EXOC2: variants seen among roughly 807,000 people sequenced by gnomAD.
EXOC2 encodes the protein SEC5-like 1.
A neutral mutation model predicts 131.8 loss-of-function variants in EXOC2; 70 were observed. The ratio of observed to expected loss-of-function variants is 0.53; its 90% confidence interval spans 0.44 to 0.65. The LOEUF is 0.65. Among genes scored for constraint, EXOC2 ranks in the 30% least tolerant of loss-of-function variants. The probability of loss-of-function intolerance (pLI) is 0.00; values close to 1 mark genes in which losing one functional copy is unlikely to be tolerated. For synonymous variants in EXOC2, 411 were observed against 398.4 expected, an observed-to-expected ratio of 1.03 and a Z score of -0.38; for missense variants, 923 against 1,108.6, an observed-to-expected ratio of 0.83 and a Z score of 2.38.
Position 543,845 on chromosome 6 carries a change from C to G in EXOC2, c.2238+5330G>C, listed in dbSNP as rs146268347. Reference sequence around the variant, plus strand: ...TGGTTAGGCCAGGTTGCTTTGAAATCTCGATGGAAACTTCCAGGGAGGACG... The same window carrying G: ...TGGTTAGGCCAGGTTGCTTTGAAATGTCGATGGAAACTTCCAGGGAGGACG... On this transcript the variant is annotated intron_variant, in intron 22 of 27. Coordinates refer to ENST00000230449, the MANE Select transcript of EXOC2 (RefSeq NM_018303.6). 1.9e-4 allele frequency among the ~76,000 whole-genome samples: 29 copies of G among 152,236 alleles called. No individual in the cohort carries two copies. The East Asian group carries it at 5.4e-3, about 28-fold the overall frequency.
At chr6:616,548 AGCTGAGATCGC>A (rs1374445469) in intron 6 of EXOC2, among the ~76,000 whole-genome samples, 1 of 131,106 alleles carries the variant, frequency 7.6e-6, no homozygotes, top group Non-Finnish European at 1.6e-5. Flanking sequence ...GCTTGCAGTG[AGCTGAGATCGC>A]GCCACAGCAC....
At chr6:688,445 G>T (rs777675591) in intron 1 of EXOC2, among the ~76,000 whole-genome samples, 1 of 152,170 alleles carries the variant, frequency 6.6e-6, no homozygotes, top group Non-Finnish European at 1.5e-5. Context: ...GAACAACAAC[G>T]ATACAACTGA....
At chr6:559,736 A>T (rs1757603117) in intron 17 of EXOC2, among the ~76,000 whole-genome samples, 1 of 152,214 alleles carries the variant, frequency 6.6e-6, no homozygotes, top group Non-Finnish European at 1.5e-5. Flanking sequence ...CAGGCAAACG[A>T]GGTCTGGAGG....
chr6:677,758 C>T (rs554565535), intron 1 of EXOC2, among the ~76,000 whole-genome samples: 13 of 152,282 alleles, frequency 8.5e-5, no homozygotes, highest in African/African-American at 2.4e-4. Flanking sequence ...TGAGCCACTG[C>T]GCCCAGCCTT....
At chr6:654,803 CAAAAAAAAAAAA>C (rs66637987) in intron 1 of EXOC2, among the ~76,000 whole-genome samples, 80 of 29,576 alleles carry the variant, frequency 2.7e-3, no homozygotes, top group Non-Finnish European at 3.4e-3. Context: ...GACCCTGTCT[CAAAAAAAAAAAA>C]AAAAAAAAAA....
chr6:684,298 C>A (rs1487525918), intron 1 of EXOC2, among the ~76,000 whole-genome samples: 2 of 152,160 alleles, frequency 1.3e-5, no homozygotes, highest in Non-Finnish European at 2.9e-5. Context: ...AATCCATAAA[C>A]CTCCCTGAGA....
chr6:575,097 G>A (rs1356936506), intron 12 of EXOC2, among the ~76,000 whole-genome samples: 2 of 152,352 alleles, frequency 1.3e-5, no homozygotes, highest in South Asian at 2.1e-4. Flanking sequence ...AGGGCCATGG[G>A]GGCGGGCCCC....
At chr6:597,059 G>A (rs1405586407) in intron 10 of EXOC2, among the ~76,000 whole-genome samples, 2 of 152,106 alleles carry the variant, frequency 1.3e-5, no homozygotes, top group Admixed American at 6.5e-5. Flanking sequence ...TGAAGAAACC[G>A]AAAAATAGAA....
intron 23 of EXOC2, among the ~76,000 whole-genome samples, chr6:505,208 A>T (rs1489766151): frequency 6.6e-6 from 1 of 152,168 alleles, no homozygotes; most frequent in Non-Finnish European, 1.5e-5. Context: ...TTTGTCCTTG[A>T]CAGTACTCCT....
intron 6 of EXOC2, among the ~76,000 whole-genome samples, chr6:616,410 T>C (rs1297986395): frequency 2.0e-5 from 3 of 152,028 alleles, no homozygotes; most frequent in South Asian, 2.1e-4. Context: ...GAGACCATCC[T>C]GGCTAACACG....
chr6:597,966 C>T lies in EXOC2; in HGVS notation c.1073+55G>A, dbSNP rs544065428. The T allele has an allele frequency of 5.5e-6, 7 of 1,273,154 alleles. 1 individual carries two copies. In the South Asian group the frequency reaches 8.9e-5, roughly 16 times the overall value. The allele number at this position is 1,273,154 out of a possible 1,614,324, so 78.9% of individuals were successfully genotyped here. A position where few individuals can be genotyped will look rare whatever the true frequency, so the allele number is the denominator to read the frequency against. On this transcript the variant is annotated intron_variant, in intron 10 of 27. Coordinates refer to ENST00000230449, the MANE Select transcript of EXOC2 (RefSeq NM_018303.6). Reference sequence around the variant, plus strand: ...AGTTAGCCTTAAGGGTTACAAGATGCATACAGTACCAAACAGATACATGTG... The same window carrying T: ...AGTTAGCCTTAAGGGTTACAAGATGTATACAGTACCAAACAGATACATGTG...
At chr6:502,305 C>T (rs372741076) in intron 23 of EXOC2, among the ~76,000 whole-genome samples, 8 of 152,262 alleles carry the variant, frequency 5.3e-5, no homozygotes, top group Admixed American at 4.6e-4. Flanking sequence ...GGGGCTCTAA[C>T]GATGTGCTAC....
Position 526,323 on chromosome 6 carries a change from G to C in EXOC2, c.2380+6146C>G, listed in dbSNP as rs376866959. Among the ~76,000 whole-genome samples the C allele has an allele frequency of 3.3e-5, 5 of 151,536 alleles. 1 individual carries two copies. Among genetic ancestry groups the C allele is most frequent in the Admixed American group, 2.0e-4 (3 of 15,216 alleles). On this transcript the variant is annotated intron_variant, in intron 23 of 27. Transcript: ENST00000230449. ...TGGTATTTTAAATTACATTCTTTGA[G>C]AATTGATGAATTTTATCCTATTCTT...
intron 6 of EXOC2, among the ~76,000 whole-genome samples, chr6:615,586 G>C (rs979954774): frequency 3.9e-5 from 6 of 152,042 alleles, no homozygotes; most frequent in African/African-American, 1.2e-4. Context: ...TGGGCGTGGT[G>C]GTGGGCACCT....
chr6:572,304 C>A (rs1456920005), intron 13 of EXOC2, among the ~76,000 whole-genome samples: 1 of 152,150 alleles, frequency 6.6e-6, no homozygotes, highest in East Asian at 1.9e-4. Flanking sequence ...GACAGGTGCC[C>A]AGACTATTCT....
chr6:593,344 C>T (rs568476225), intron 10 of EXOC2, among the ~76,000 whole-genome samples: 56 of 152,200 alleles, frequency 3.7e-4, no homozygotes, highest in African/African-American at 1.2e-3. Flanking sequence ...AGTATGGCAC[C>T]GCTTTCTAAA....
At chr6:625,122 A>G (rs1761490241) in intron 4 of EXOC2, among the ~76,000 whole-genome samples, 1 of 152,222 alleles carries the variant, frequency 6.6e-6, no homozygotes, top group South Asian at 2.1e-4. Flanking sequence ...CCTTCTAAAA[A>G]ACAGCTAGCC....
intron 1 of EXOC2, among the ~76,000 whole-genome samples, chr6:692,757 A>G (rs1049086445): frequency 6.9e-6 from 1 of 144,826 alleles, no homozygotes; most frequent in African/African-American, 2.5e-5. Flanking sequence ...CACGCCCCTC[A>G]CCGGCGCAGG....
chr6:514,166 A>C (rs748139699), intron 23 of EXOC2, among the ~76,000 whole-genome samples: 2 of 152,206 alleles, frequency 1.3e-5, no homozygotes, highest in African/African-American at 2.4e-5. Flanking sequence ...TTCCAGGCCG[A>C]CAAGTAACCC....
Sources: allele counts gnomAD v4.1 joint callset (sites outside exome capture counted in the v4.1 genomes callset), GRCh38; gene constraint gnomAD v4.1.1; transcripts MANE v1.5; gene names NCBI Gene and HGNC (gene_info 2026-07-23, HGNC 2026-07-21).